ARHGAP27: variants seen among roughly 807,000 people sequenced by gnomAD.
ARHGAP27 encodes the protein Rho GTPase activating protein 27.
Under a neutral mutation model 102.0 loss-of-function variants are expected in ARHGAP27, and 53 were observed. The ratio of observed to expected loss-of-function variants is 0.52; its 90% CI spans 0.42 to 0.65. The LOEUF (loss-of-function observed/expected upper bound fraction) is 0.65. ARHGAP27 is among the 30% of genes least tolerant of loss of function. The pLI, the probability that ARHGAP27 is intolerant of heterozygous loss-of-function variation, is 0.00. For missense variants in ARHGAP27, 1,117 were observed against 1,256.2 expected (o/e 0.89, Z 1.68); for synonymous variants, 525 against 542.8 (o/e 0.97, Z 0.46).
intron 13 of ARHGAP27, chr17:45,397,645 C>G (rs1216052454): frequency 8.4e-6 from 3 of 356,458 alleles, no homozygotes; most frequent in Non-Finnish European, 1.5e-5. Context: ...CTAGTTTCAG[C>G]CTGCCATTGG....
At chr17:45,420,655 T>TA (rs1447335450) in intron 4 of ARHGAP27, among the ~76,000 whole-genome samples, 2 of 152,092 alleles carry the variant, frequency 1.3e-5, no homozygotes, top group Non-Finnish European at 2.9e-5. Flanking sequence ...AGCAGAGTTT[T>TA]AAAAAAGGAC....
chr17:45,410,148 T>C, intron 4 of ARHGAP27: 1 of 1,459,038 alleles, frequency 6.9e-7, no homozygotes, highest in Non-Finnish European at 9.1e-7. Flanking sequence ...AGAGGCTCCC[T>C]GCTCTAAGCC....
chr17:45,404,157 G>C lies in ARHGAP27; in HGVS notation c.1480-61C>G, dbSNP rs368786715. ...GTAGTTAAGGGGTGAGCTATGGGGA[G>C]TAGAGGCTGGTCACCTGCTCAGCTG... On this transcript the variant is annotated intron_variant, in intron 9 of 19. Transcript: ENST00000685559. The C allele has an allele frequency of 8.7e-6, 14 of 1,607,510 alleles. No homozygotes were observed. The African/African-American group carries it at 1.5e-4, about 17-fold the overall frequency.
At chr17:45,417,187 GGCGTGGTGGCTTAT>G in intron 4 of ARHGAP27, among the ~76,000 whole-genome samples, 1 of 151,874 alleles carries the variant, frequency 6.6e-6, no homozygotes, top group East Asian at 2.0e-4. Context: ...TTTTTGGCTG[GGCGTGGTGGCTTAT>G]GCCTGTAATC....
chr17:45,410,333 G>A (rs2047763877), intron 4 of ARHGAP27: 3 of 1,469,336 alleles, frequency 2.0e-6, no homozygotes, highest in East Asian at 2.7e-5. Flanking sequence ...GGAAGGTTTT[G>A]GGGGTAGAGC....
intron 4 of ARHGAP27, chr17:45,409,943 G>C: frequency 2.3e-6 from 1 of 433,812 alleles, no homozygotes; most frequent in Non-Finnish European, 4.1e-6. Flanking sequence ...GGAGCCAAGA[G>C]GGACCTGGCT....
At position 45,429,700 on chromosome 17, in the gene ARHGAP27, C is replaced by G. The variant is rs779006832; in HGVS notation, c.580G>C (p.Ala194Pro). ...AGSWVCPRPL[A>P]RSDSENVYEV... ...TAGACGTTCTCTGAGTCGCTGCGCG[C>G]CAGAGGCCGCGGGCACACCCAGGAG... The change falls in exon 4 of 20, where the codon GCG (alanine) becomes CCG (proline). Residue 194 changes from alanine (A) to proline (P), a missense_variant. This residue lies in a region of ARHGAP27 where 610 missense variants were observed against 716.4 expected (regional missense o/e 0.85). Transcript: ENST00000685559. 1.3e-6 allele frequency: 2 copies of G among 1,558,072 alleles called. No homozygotes were observed. Among genetic ancestry groups the G allele is most frequent in the South Asian group, 1.2e-5 (1 of 85,404 alleles).
At position 45,430,029 on chromosome 17, in the gene ARHGAP27, C is replaced by T. The variant is rs758660903; in HGVS notation, c.251G>A (p.Ser84Asn). 8.1e-7 allele frequency: 1 copy of T among 1,230,280 alleles called. No individual in the cohort carries two copies. The highest frequency in any genetic ancestry group is 3.2e-4 in the Middle Eastern group (1 of 3,096). 76.2% of individuals were successfully genotyped at this position (1,230,280 alleles called of 1,614,324 possible). The change falls in exon 4 of 20, where the codon AGC (serine) becomes AAC (asparagine). Residue 84 changes from serine to asparagine, a missense_variant. Ser to Asn is a conservative substitution (Grantham distance 46). Around this residue, in one of 3 missense-constraint regions of ARHGAP27, gnomAD observed 610 missense variants for 716.4 expected, o/e 0.85. Transcript: ENST00000685559. This position sits in a 1 kb window ranked among gnomAD's most constrained non-coding sequence, Gnocchi z 4.4. ...AAAAPPGPHP[S>N]PAAPEPLAYD... Reference sequence around the variant, plus strand: ...GGCGAGCGGCTCAGGGGCCGCGGGGCTCGGGTGGGGACCTGGCGGCGCGGC... The same window carrying T: ...GGCGAGCGGCTCAGGGGCCGCGGGGTTCGGGTGGGGACCTGGCGGCGCGGC...
rs746569504 is a variant in ARHGAP27 at position 45,397,004 on chromosome 17, C to A, written c.1863G>T (p.Glu621Asp). ...IQELSAELPP[E>D]ESESSRVDFG... is the part of the protein sequence containing the mutation. ...AGTCCACTCTGCTGCTCTCGCTCTC[C>A]TCTGGGGGCAGCTCTGCGGACTGGA... Residue 621 changes from glutamate (E) to aspartate (D), a missense_variant, in exon 14 of 20, where the codon GAG (glutamate) becomes GAT (aspartate). Glu to Asp is a conservative substitution (Grantham distance 45). This residue lies in a region of ARHGAP27 where 493 missense variants were observed against 505.5 expected (regional missense o/e 0.98). Coordinates refer to ENST00000685559, the MANE Select transcript of ARHGAP27 (RefSeq NM_001282290.2). 3 of 1,604,154 alleles carry A rather than the reference C, an allele frequency of 1.9e-6. No individual in the cohort carries two copies. The highest frequency in any genetic ancestry group is 2.5e-6 in the Non-Finnish European group (3 of 1,179,978).
rs978204915 is a variant in ARHGAP27 at position 45,429,833 on chromosome 17, C to A, written c.447G>T (p.Ala149=). ...LPACLYLRPA[A]PVRPAQSLND... ...TCAGGGACTGCGCGGGCCGCACGGG[C>A]GCCGCGGGCCGCAGGTACAGGCAGG... Residue 149 remains alanine, a synonymous_variant, in exon 4 of 20, where the codon GCG becomes GCT. Transcript: ENST00000685559. The A allele has an allele frequency of 1.3e-5, 18 of 1,400,780 alleles. No individual in the cohort carries two copies. Among genetic ancestry groups the A allele is most frequent in the Non-Finnish European group, 1.4e-5 (15 of 1,086,766 alleles). 86.8% of individuals were successfully genotyped at this position (1,400,780 alleles called of 1,614,324 possible). A position where few individuals can be genotyped will look rare whatever the true frequency, so the allele number is the denominator to read the frequency against.
intron 4 of ARHGAP27, among the ~76,000 whole-genome samples, chr17:45,413,295 A>G (rs1296183998): frequency 6.6e-6 from 1 of 152,002 alleles, no homozygotes. Flanking sequence ...ATCTTATTGC[A>G]TGGATGTGGG....
Position 45,396,670 on chromosome 17 carries a change from T to C in ARHGAP27, c.2072A>G (p.Lys691Arg), listed in dbSNP as rs748213761. The change falls in exon 15 of 20, where the codon AAA (lysine) becomes AGA (arginine). Residue 691 changes from lysine to arginine, a missense_variant and splice_region_variant. Physicochemically the swap from Lys to Arg is conservative, Grantham distance 26. This residue lies in a region of ARHGAP27 where 493 missense variants were observed against 505.5 expected (regional missense o/e 0.98). Transcript: ENST00000685559. ...CGCCCCCCGCAGGCCTCGGGTACCTTTGATGTAGCCCTTCTCCCGCAGCGA... is the reference window on the plus strand; with the variant it reads ...CGCCCCCCGCAGGCCTCGGGTACCTCTGATGTAGCCCTTCTCCCGCAGCGA... ...LQSLREKGYI[K>R]DQVFGCALAA... 6.2e-7 allele frequency: 1 copy of C among 1,613,618 alleles called. No individual in the cohort carries two copies.
chr17:45,403,589 A>G (rs2046737773), intron 11 of ARHGAP27, 30 bp downstream of exon 11: 6 of 1,527,096 alleles, frequency 3.9e-6, no homozygotes, highest in Middle Eastern at 2.0e-4. Context: ...AGCAGATGGG[A>G]TGGTCCCTGC....
chr17:45,429,789 G>A lies in ARHGAP27; in HGVS notation c.491C>T (p.Ala164Val), dbSNP rs1467337883. ...TAGGAGGCCGGCGGGAGGCGAGACGGCGGCGCAGGCCAGGTCGTTCAGGGA... is the reference window on the plus strand; with the variant it reads ...TAGGAGGCCGGCGGGAGGCGAGACGACGGCGCAGGCCAGGTCGTTCAGGGA... ...AQSLNDLACA[A>V]VSPPAGLLGS... Residue 164 changes from alanine to valine, a missense_variant, in exon 4 of 20, where the codon GCC (alanine) becomes GTC (valine). Ala to Val is a moderately conservative substitution (Grantham distance 64). Transcript: ENST00000685559. The A allele has an allele frequency of 1.3e-6, 2 of 1,520,250 alleles. No individual in the cohort carries two copies. The highest frequency in any genetic ancestry group is 4.0e-5 in the Admixed American group (2 of 49,938). The allele number at this position is 1,520,250 out of a possible 1,614,324, so 94.2% of individuals were successfully genotyped here. A position where few individuals can be genotyped will look rare whatever the true frequency, so the allele number is the denominator to read the frequency against.
intron 19 of ARHGAP27, 46 bp from the exon 20 acceptor site, chr17:45,395,679 G>A (rs757781168): frequency 2.5e-6 from 4 of 1,571,990 alleles, no homozygotes; most frequent in East Asian, 2.3e-5. Context: ...TGCGAACTGC[G>A]GGGAGGCGCT....
At chr17:45,424,784 C>A (rs2049395072) in intron 4 of ARHGAP27, among the ~76,000 whole-genome samples, 1 of 152,136 alleles carries the variant, frequency 6.6e-6, no homozygotes, top group Non-Finnish European at 1.5e-5. Context: ...ATTCACGTAA[C>A]CAAACACCAC....
At chr17:45,407,956 T>C (rs2047423959) in intron 4 of ARHGAP27, 1 of 152,230 alleles carries the variant, frequency 6.6e-6, no homozygotes, top group Non-Finnish European at 1.5e-5. Flanking sequence ...GTTTTTGTTT[T>C]GTTTTCTTTG....
Position 45,430,188 on chromosome 17 carries a change from G to A in ARHGAP27, c.92C>T (p.Pro31Leu). Residue 31 changes from proline (P) to leucine (L), a missense_variant, in exon 4 of 20, where the codon CCG (proline) becomes CTG (leucine). Pro to Leu is a moderately conservative substitution (Grantham distance 98). Transcript: ENST00000685559. The surrounding 1 kb of genome is among the most constrained non-coding windows in gnomAD (Gnocchi z 4.4). ...CCGCAGCAGCCGGTAGCGCTCATTC[G>A]GCCGGATGGCCACGCGGCGCCCGTC... ...GKDGRRVAIR[P>L]NERYRLLRRS... The A allele has an allele frequency of 1.3e-6, 2 of 1,545,454 alleles. No individual in the cohort carries two copies. Among genetic ancestry groups the A allele is most frequent in the South Asian group, 2.4e-5 (2 of 84,898 alleles).
intron 4 of ARHGAP27, among the ~76,000 whole-genome samples, chr17:45,414,751 T>C (rs1161431472): frequency 6.8e-6 from 1 of 146,026 alleles, no homozygotes; most frequent in African/African-American, 2.5e-5. Flanking sequence ...ACCCAATTGG[T>C]CTCTCCATCT....
Sources: allele counts gnomAD v4.1 joint callset (sites outside exome capture counted in the v4.1 genomes callset), GRCh38; gene constraint gnomAD v4.1.1; regional missense constraint gnomAD v4.1.1; non-coding constraint Gnocchi (gnomAD v3.1); transcripts MANE v1.5; gene names NCBI Gene and HGNC (gene_info 2026-07-23, HGNC 2026-07-21).